MRPS25: variants seen among roughly 807,000 people sequenced by gnomAD.
The protein encoded by MRPS25 is small ribosomal subunit protein mS25.
MRPS25 carries 15 observed loss-of-function variants against 17.3 expected under a neutral mutation model. The observed-to-expected ratio is 0.87, with a 90% confidence interval of 0.58 to 1.34. The LOEUF (loss-of-function observed/expected upper bound fraction) is 1.34. Ranked by LOEUF, MRPS25 falls within the 40% of genes most tolerant of loss-of-function variation. MRPS25 has a pLI of 0.00. For synonymous variants in MRPS25, 94 were observed against 83.3 expected (o/e 1.13, Z -0.70); for missense variants, 225 against 218.6 (o/e 1.03, Z -0.19).
At chr3:15,061,364 C>T (rs1403127104) in intron 1 of MRPS25, among the ~76,000 whole-genome samples, 5 of 152,196 alleles carry the variant, frequency 3.3e-5, no homozygotes, top group Non-Finnish European at 7.3e-5. Flanking sequence ...TGCAGGCGCG[C>T]GCTGCCACGC....
At chr3:15,043,595 G>A (rs1396551147), downstream of MRPS25, 2 of 152,694 alleles carry the variant, frequency 1.3e-5, no homozygotes, top group Admixed American at 6.5e-5. Context: ...ATTCCTAATT[G>A]TGTGCACATG....
intron 1 of MRPS25, among the ~76,000 whole-genome samples, chr3:15,061,904 CGCCCTGTCTG>C (rs1559330217): frequency 6.0e-5 from 9 of 151,256 alleles, no homozygotes; most frequent in African/African-American, 2.2e-4. Context: ...GCCCGGCAGC[CGCCCTGTCTG>C]AGAAGTGAGG....
chr3:15,053,167 G>T, intron 3 of MRPS25: 1 of 1,155,952 alleles, frequency 8.7e-7, no homozygotes, highest in Non-Finnish European at 1.2e-6. Flanking sequence ...TTCTCACACT[G>T]TACAGCCAAG....
Position 15,065,116 on chromosome 3 carries a change from C to T in MRPS25, c.79G>A (p.Val27Met). 6.2e-7 allele frequency: 1 copy of T among 1,609,170 alleles called. No individual in the cohort carries two copies. The highest frequency in any genetic ancestry group is 8.5e-7 in the Non-Finnish European group (1 of 1,178,054). The part of the protein sequence containing the change: ...SQGNVVFKDS[V>M]KVMTVNYNTH... Reference sequence around the variant, plus strand: ...TTGTAATTCACTGTCATGACCTTCACGGAGTCCTTGAACACCACGTTCCCC... The same window carrying T: ...TTGTAATTCACTGTCATGACCTTCATGGAGTCCTTGAACACCACGTTCCCC... The change falls in exon 1 of 4, where the codon GTG (valine) becomes ATG (methionine). Residue 27 changes from valine (V) to methionine (M), a missense_variant. Coordinates refer to ENST00000253686, the MANE Select transcript of MRPS25 (RefSeq NM_022497.5).
intron 2 of MRPS25, 107 bp downstream of exon 2, chr3:15,059,262 C>A: frequency 1.3e-6 from 1 of 791,748 alleles, no homozygotes; most frequent in Non-Finnish European, 2.2e-6. Context: ...CACAGACACA[C>A]CATGACAGCG....
rs1021738126 is a variant in MRPS25 at position 15,048,847 on chromosome 3, A to G, written c.*3594T>C. 1 of 152,660 alleles carries G rather than the reference A, an allele frequency of 6.6e-6. No homozygotes were observed. The highest frequency in any genetic ancestry group is 1.5e-5 in the Non-Finnish European group (1 of 68,030). 9.5% of individuals were successfully genotyped at this position (152,660 alleles called of 1,614,324 possible). A position where few individuals can be genotyped will look rare whatever the true frequency, so the allele number is the denominator to read the frequency against. On this transcript the variant is annotated 3_prime_UTR_variant, in exon 4 of 4. Coordinates refer to ENST00000253686, the MANE Select transcript of MRPS25 (RefSeq NM_022497.5). ...TTCTCTGTTAGAATGTAACTGCATT[A>G]CCAGCCCTTTTAAAGGCATCTATCT...
chr3:15,045,589 C>T (rs1286286376), downstream of MRPS25: 4 of 152,766 alleles, frequency 2.6e-5, no homozygotes, highest in East Asian at 1.9e-4. Flanking sequence ...GTCCACGTAA[C>T]CTGTATTCTT....
In MRPS25 at chr3:15,052,737, G is replaced by C. The variant is rs1379795933; in HGVS notation, c.330-104C>G. On this transcript the variant is annotated intron_variant, in intron 3 of 3. Coordinates refer to ENST00000253686, the MANE Select transcript of MRPS25 (RefSeq NM_022497.5). The stretch of plus-strand genomic sequence containing the variant: ...CCCCACCATCCACCAGGGACACCTG[G>C]ATCTCCTGCCTTCTAACCTGATCCT... The C allele has an allele frequency of 3.3e-6, 4 of 1,203,478 alleles. No homozygotes were observed. In the East Asian group the frequency reaches 9.4e-5, roughly 28 times the overall value. The allele number at this position is 1,203,478 out of a possible 1,614,324, so 74.5% of individuals were successfully genotyped here. A position where few individuals can be genotyped will look rare whatever the true frequency, so the allele number is the denominator to read the frequency against.
chr3:15,060,500 A>AG (rs1410366731), intron 1 of MRPS25, among the ~76,000 whole-genome samples: 1 of 144,568 alleles, frequency 6.9e-6, no homozygotes, highest in Non-Finnish European at 1.5e-5. Context: ...TAGGCGACAG[A>AG]GCAAGGTCCT....
At chr3:15,044,076 C>G (rs1575054853), downstream of MRPS25, 1 of 152,092 alleles carries the variant, frequency 6.6e-6, no homozygotes, top group East Asian at 1.9e-4. Flanking sequence ...CTCCAAATGC[C>G]CCCTTGAAAA....
chr3:15,059,765 G>A (rs2042724572), intron 1 of MRPS25, among the ~76,000 whole-genome samples: 2 of 152,168 alleles, frequency 1.3e-5, no homozygotes, highest in South Asian at 4.1e-4. Context: ...GTACTACGTC[G>A]TGATTTGTGT....
chr3:15,044,665 A>G (rs1447735870), downstream of MRPS25: 2 of 152,234 alleles, frequency 1.3e-5, no homozygotes, highest in South Asian at 2.1e-4. Context: ...ATGATATCCA[A>G]AAAGATCCCT....
rs569995490 is a variant in MRPS25 at position 15,065,260 on chromosome 3, T to C, written c.-66A>G. On this transcript the variant is annotated 5_prime_UTR_variant, in exon 1 of 4. Transcript: ENST00000253686. Reference sequence around the variant, plus strand: ...CGAGCAGCGACGAGAAAGGACTAGCTAGCACCCGCGCGGATCTCACGCGGC... The same window carrying C: ...CGAGCAGCGACGAGAAAGGACTAGCCAGCACCCGCGCGGATCTCACGCGGC... The C allele has an allele frequency of 2.0e-6, 3 of 1,482,012 alleles. No homozygotes were observed. The highest frequency in any genetic ancestry group is 1.3e-5 in the South Asian group (1 of 76,754). The allele number at this position is 1,482,012 out of a possible 1,614,324, so 91.8% of individuals were successfully genotyped here. A position where few individuals can be genotyped will look rare whatever the true frequency, so the allele number is the denominator to read the frequency against.
downstream of MRPS25, chr3:15,042,843 G>C (rs759984480): frequency 3.1e-6 from 5 of 1,613,954 alleles, no homozygotes; most frequent in East Asian, 1.1e-4. Context: ...GATTGGCCCG[G>C]ATCCTCGTTC....
At chr3:15,062,443 T>TTG (rs567335329) in intron 1 of MRPS25, among the ~76,000 whole-genome samples, 2 of 99,408 alleles carry the variant, frequency 2.0e-5, no homozygotes, top group African/African-American at 8.4e-5. Context: ...GGGAGGGAGG[T>TTG]GGGGGGGGTC....
At chr3:15,047,230 T>G (rs964078630), downstream of MRPS25, 4 of 152,478 alleles carry the variant, frequency 2.6e-5, no homozygotes, top group African/African-American at 9.7e-5. Flanking sequence ...AGGGAAGATT[T>G]GCTGGTGATT....
At chr3:15,059,223 G>C (rs567472895) in intron 2 of MRPS25, 146 bp downstream of exon 2, 1 of 626,346 alleles carries the variant, frequency 1.6e-6, no homozygotes, top group Non-Finnish European at 2.9e-6. Flanking sequence ...TGAGTGCCTC[G>C]GTATGGGGAA....
chr3:15,054,839 CAAT>C (rs1162581679), intron 2 of MRPS25, among the ~76,000 whole-genome samples: 2 of 152,124 alleles, frequency 1.3e-5, no homozygotes, highest in African/African-American at 2.4e-5. Flanking sequence ...ACTCACAACT[CAAT>C]AAGACAATCC....
intron 1 of MRPS25, among the ~76,000 whole-genome samples, chr3:15,062,586 G>C (rs2042791055): frequency 6.6e-6 from 1 of 152,088 alleles, no homozygotes; most frequent in African/African-American, 2.4e-5. Flanking sequence ...AGCTCATTGA[G>C]AACGGGCCAT....
Sources: allele counts gnomAD v4.1 joint callset (sites outside exome capture counted in the v4.1 genomes callset), GRCh38; gene constraint gnomAD v4.1.1; transcripts MANE v1.5; gene names NCBI Gene and HGNC (gene_info 2026-07-23, HGNC 2026-07-21).